Variants in SLC10A7 observed in about 807,000 individuals in gnomAD.
The protein encoded by SLC10A7 is solute carrier family 10 member 7.
In SLC10A7, 29 loss-of-function variants were observed where a neutral mutation model predicts 43.2. The ratio of observed to expected loss-of-function variants is 0.67; its 90% CI spans 0.50 to 0.92. The LOEUF is 0.92. SLC10A7 is among the 40% of genes least tolerant of loss of function. The probability of loss-of-function intolerance (pLI) is 0.00; values close to 1 mark genes in which losing one functional copy is unlikely to be tolerated. For synonymous variants in SLC10A7, 152 were observed against 144.8 expected, an observed-to-expected ratio of 1.05 and a Z score of -0.35; for missense variants, 295 against 403.2, an observed-to-expected ratio of 0.73 and a Z score of 2.30.
At chr4:146,513,295 T>C (rs1737650078) in intron 2 of SLC10A7, among the ~76,000 whole-genome samples, 1 of 152,028 alleles carries the variant, frequency 6.6e-6, no homozygotes, top group African/African-American at 2.4e-5. Flanking sequence ...GTATACAATG[T>C]TACATGAAAA....
At chr4:146,290,079 C>T (rs1027181848) in intron 9 of SLC10A7, among the ~76,000 whole-genome samples, 2 of 149,416 alleles carry the variant, frequency 1.3e-5, no homozygotes, top group African/African-American at 4.9e-5. Context: ...AATCCCAGCA[C>T]TTTGGGAGGC....
intron 5 of SLC10A7, among the ~76,000 whole-genome samples, chr4:146,416,767 T>G (rs768310965): frequency 6.6e-6 from 1 of 152,192 alleles, no homozygotes; most frequent in Non-Finnish European, 1.5e-5. Flanking sequence ...GGTCCTAACT[T>G]TATAATCTGG....
At chr4:146,503,567 G>A (rs1736616767) in intron 4 of SLC10A7, among the ~76,000 whole-genome samples, 1 of 152,120 alleles carries the variant, frequency 6.6e-6, no homozygotes, top group African/African-American at 2.4e-5. Flanking sequence ...CCTTTCCCAG[G>A]TCTTCTCTGT....
chr4:146,419,744 G>A (rs1221312664), intron 5 of SLC10A7, among the ~76,000 whole-genome samples: 8 of 151,942 alleles, frequency 5.3e-5, no homozygotes, highest in African/African-American at 1.7e-4. Context: ...GCTGAGGCAC[G>A]AGAATCGCTT....
chr4:146,258,890 T>A (rs1257891824), intron 10 of SLC10A7, 53 bp from the exon 11 acceptor site: 1 of 1,569,412 alleles, frequency 6.4e-7, no homozygotes, highest in African/African-American at 1.4e-5. Flanking sequence ...TGTCATCAAA[T>A]TAAATGCATA....
intron 4 of SLC10A7, among the ~76,000 whole-genome samples, chr4:146,484,358 A>AT (rs920701688): frequency 1.3e-5 from 2 of 152,044 alleles, no homozygotes; most frequent in Non-Finnish European, 2.9e-5. Flanking sequence ...TGTCTCTAAA[A>AT]TTTTTTTTAA....
intron 4 of SLC10A7, among the ~76,000 whole-genome samples, chr4:146,464,195 C>T (rs1040251321): frequency 4.5e-4 from 69 of 151,834 alleles, no homozygotes; most frequent in African/African-American, 1.6e-3. Flanking sequence ...CACATCCATA[C>T]ATGAGAATAA....
intron 10 of SLC10A7, among the ~76,000 whole-genome samples, chr4:146,279,418 A>G (rs1276077631): frequency 2.0e-5 from 3 of 152,176 alleles, no homozygotes; most frequent in Non-Finnish European, 4.4e-5. Flanking sequence ...TCTTGACGAG[A>G]TCTATTGACT....
chr4:146,297,417 CAT>C (rs1264477491), intron 7 of SLC10A7, among the ~76,000 whole-genome samples: 3 of 152,246 alleles, frequency 2.0e-5, no homozygotes, highest in South Asian at 2.1e-4. Context: ...GTAAAAATGA[CAT>C]GTCTTAGGTG....
At position 146,256,365 on chromosome 4, in the gene SLC10A7, C is replaced by A; in HGVS notation, c.*126G>T. The A allele has an allele frequency of 1.2e-6, 1 of 866,510 alleles. No homozygotes were observed. The highest frequency in any genetic ancestry group is 1.6e-5 in the South Asian group (1 of 63,696). The allele number at this position is 866,510 out of a possible 1,614,324, so 53.7% of individuals were successfully genotyped here. A position where few individuals can be genotyped will look rare whatever the true frequency, so the allele number is the denominator to read the frequency against. On this transcript the variant is annotated 3_prime_UTR_variant, in exon 12 of 12. Coordinates refer to ENST00000335472, the MANE Select transcript of SLC10A7 (RefSeq NM_001029998.6). ...ACATTTTAAGGCACTTAAACAGGAT[C>A]TCATATTTTTGTGTAAAAAAATAAA...
At chr4:146,316,893 T>C (rs1578865574) in intron 6 of SLC10A7, among the ~76,000 whole-genome samples, 1 of 152,240 alleles carries the variant, frequency 6.6e-6, no homozygotes, top group East Asian at 1.9e-4. Context: ...CTATTAAGTG[T>C]CAAATGTAAC....
intron 4 of SLC10A7, among the ~76,000 whole-genome samples, chr4:146,445,093 C>T (rs1320111962): frequency 1.3e-5 from 2 of 152,166 alleles, no homozygotes; most frequent in African/African-American, 4.8e-5. Context: ...ATCTCATTCC[C>T]TGCCTCGAAT....
chr4:146,447,391 G>A (rs1344034798), intron 4 of SLC10A7, among the ~76,000 whole-genome samples: 1 of 152,086 alleles, frequency 6.6e-6, no homozygotes, highest in Non-Finnish European at 1.5e-5. Context: ...TTACAGGTGT[G>A]AGTCACCATA....
chr4:146,304,948 T>C (rs1731444675), intron 7 of SLC10A7, among the ~76,000 whole-genome samples: 2 of 152,090 alleles, frequency 1.3e-5, no homozygotes, highest in African/African-American at 4.8e-5. Flanking sequence ...GTTGGGTGCA[T>C]ATATATTTAG....
intron 2 of SLC10A7, chr4:146,515,290 G>C: frequency 1.6e-6 from 1 of 627,744 alleles, no homozygotes; most frequent in Admixed American, 2.6e-5. Context: ...TCCATAAAGA[G>C]CATTAGCCAA....
At chr4:146,340,777 G>A (rs113023522) in intron 5 of SLC10A7, among the ~76,000 whole-genome samples, 6 of 151,882 alleles carry the variant, frequency 4.0e-5, no homozygotes, top group African/African-American at 1.4e-4. Context: ...TATTAGAAAT[G>A]GATGTACATA....
intron 5 of SLC10A7, among the ~76,000 whole-genome samples, chr4:146,350,463 C>T (rs1734989345): frequency 1.4e-5 from 2 of 140,882 alleles, no homozygotes; most frequent in South Asian, 4.6e-4. Context: ...GGAGGGGCGC[C>T]CGCCATTGCC....
chr4:146,505,504 G>A (rs1053770338), intron 3 of SLC10A7, among the ~76,000 whole-genome samples: 2 of 152,028 alleles, frequency 1.3e-5, no homozygotes, highest in Non-Finnish European at 2.9e-5. Context: ...ATGGGGGTTG[G>A]CACCTCTAAG....
intron 1 of SLC10A7, among the ~76,000 whole-genome samples, chr4:146,517,743 C>T (rs1738156333): frequency 6.6e-6 from 1 of 152,068 alleles, no homozygotes; most frequent in African/African-American, 2.4e-5. Flanking sequence ...ATGGTATCAG[C>T]ACTTATATAA....
Sources: gnomAD v4.1 joint callset for allele counts (sites outside exome capture counted in the v4.1 genomes callset) on GRCh38, gnomAD v4.1.1 for gene constraint, MANE v1.5 for transcripts, NCBI Gene and HGNC (gene_info 2026-07-23, HGNC 2026-07-21) for gene names.